TCERG1L: variants seen among roughly 807,000 people sequenced by gnomAD.
TCERG1L encodes transcription elongation regulator 1 like.
Under a neutral mutation model 56.3 loss-of-function variants are expected in TCERG1L, and 37 were observed. That is an observed-to-expected ratio of 0.66 (90% confidence interval 0.51 to 0.87). TCERG1L has a LOEUF of 0.87. Ranked by LOEUF, TCERG1L falls within the 40% of genes least tolerant of loss-of-function variation. The pLI, the probability that TCERG1L is intolerant of heterozygous loss-of-function variation, is 0.00. For missense variants in TCERG1L, 799 were observed against 774.2 expected, an observed-to-expected ratio of 1.03 and a Z score of -0.38; for synonymous variants, 324 against 326.3, an observed-to-expected ratio of 0.99 and a Z score of 0.08.
rs543188379 is a variant in TCERG1L at position 131,267,304 on chromosome 10, C to T, written c.671-6860G>A. Among the ~76,000 whole-genome samples, 1 of 152,306 alleles carries T rather than the reference C, an allele frequency of 6.6e-6. No individual in the cohort carries two copies. Among genetic ancestry groups the T allele is most frequent in the South Asian group, 2.1e-4 (1 of 4,826 alleles). On this transcript the variant is annotated intron_variant, in intron 3 of 11. Coordinates refer to ENST00000368642, the MANE Select transcript of TCERG1L (RefSeq NM_174937.4). The surrounding 1 kb of genome is among the most constrained non-coding windows in gnomAD (Gnocchi z 4.9). ...GGACTGCAACAGCACCCAGGCTTGGCCCCAACCCTACTCTAGGATCGGAGT... is the reference window on the plus strand; with the variant it reads ...GGACTGCAACAGCACCCAGGCTTGGTCCCAACCCTACTCTAGGATCGGAGT...
intron 4 of TCERG1L, among the ~76,000 whole-genome samples, chr10:131,229,989 T>C (rs1448585133): frequency 6.6e-6 from 1 of 152,142 alleles, no homozygotes; most frequent in Non-Finnish European, 1.5e-5. Context: ...GAAGCAGCTC[T>C]GAGCGTTGAA....
At chr10:131,184,423 G>A (rs993701149) in intron 4 of TCERG1L, among the ~76,000 whole-genome samples, 1 of 152,328 alleles carries the variant, frequency 6.6e-6, no homozygotes, top group African/African-American at 2.4e-5. Context: ...AAATGGGCTT[G>A]TCAATCTGCC....
At chr10:131,279,451 A>G (rs1846429213) in intron 3 of TCERG1L, among the ~76,000 whole-genome samples, 1 of 152,198 alleles carries the variant, frequency 6.6e-6, no homozygotes, top group Non-Finnish European at 1.5e-5. Flanking sequence ...CAGGCTTCAC[A>G]TCATGCCCGG....
rs376728702 is a variant in TCERG1L at position 131,308,312 on chromosome 10, T to C, written c.569A>G (p.Lys190Arg). The change falls in exon 3 of 12, where the codon AAG becomes AGG. Residue 190 changes from lysine (K) to arginine (R), a missense_variant. By Grantham distance (26) the Lys-to-Arg change is conservative (BLOSUM62 2). Coordinates refer to ENST00000368642, the MANE Select transcript of TCERG1L (RefSeq NM_174937.4). The part of the protein sequence containing the change: ...EESRFFHGHE[K>R]PRLLANQVAV... ...TACTTGATTTGCCAGCAAACGAGGC[T>C]TTTCATGCCCATGGAAAAACCTTGA... 4 of 1,613,854 alleles carry C rather than the reference T, an allele frequency of 2.5e-6. No homozygotes were observed. In the African/African-American group the frequency reaches 5.3e-5, roughly 22 times the overall value.
chr10:131,213,382 G>C (rs1845636077), intron 4 of TCERG1L, among the ~76,000 whole-genome samples: 1 of 152,222 alleles, frequency 6.6e-6, no homozygotes, highest in Non-Finnish European at 1.5e-5. Flanking sequence ...AGAAAGGTTT[G>C]ACTGGAATAA....
At chr10:131,207,855 T>C (rs979919473) in intron 4 of TCERG1L, among the ~76,000 whole-genome samples, 5 of 151,884 alleles carry the variant, frequency 3.3e-5, no homozygotes, top group African/African-American at 9.7e-5. Context: ...ACAAGCATCA[T>C]GGAAAGAAGA....
At position 131,308,306 on chromosome 10, in the gene TCERG1L, C is replaced by G; in HGVS notation, c.575G>C (p.Arg192Pro). ...SRFFHGHEKP[R>P]LLANQVAVSL... The stretch of plus-strand genomic sequence containing the variant: ...CACAGCTACTTGATTTGCCAGCAAA[C>G]GAGGCTTTTCATGCCCATGGAAAAA... Residue 192 changes from arginine (R) to proline (P), a missense_variant, in exon 3 of 12, where the codon CGT becomes CCT. By Grantham distance (103) the Arg-to-Pro change is moderately radical. Transcript: ENST00000368642. 6.2e-7 allele frequency: 1 copy of G among 1,613,908 alleles called. No individual in the cohort carries two copies. Among genetic ancestry groups the G allele is most frequent in the Non-Finnish European group, 8.5e-7 (1 of 1,179,896 alleles).
At chr10:131,151,930 C>T (rs1845871285) in intron 6 of TCERG1L, among the ~76,000 whole-genome samples, 1 of 152,240 alleles carries the variant, frequency 6.6e-6, no homozygotes, top group South Asian at 2.1e-4. Context: ...CCTTCAGAAG[C>T]AATGGCCTGA....
intron 3 of TCERG1L, among the ~76,000 whole-genome samples, chr10:131,264,641 C>G (rs986786606): frequency 3.9e-5 from 6 of 152,196 alleles, no homozygotes; most frequent in Admixed American, 6.5e-5. Context: ...GCCAGTCACG[C>G]TCCCAGCACA....
intron 7 of TCERG1L, among the ~76,000 whole-genome samples, chr10:131,137,017 A>G (rs1211372628): frequency 1.3e-5 from 2 of 151,828 alleles, no homozygotes; most frequent in Non-Finnish European, 2.9e-5. Flanking sequence ...GCAGGTGCCT[A>G]TAATCCCAGC....
intron 4 of TCERG1L, among the ~76,000 whole-genome samples, chr10:131,241,456 A>T (rs1295094387): frequency 1.3e-5 from 2 of 152,016 alleles, no homozygotes; most frequent in African/African-American, 4.8e-5. Flanking sequence ...CGTGACATGC[A>T]ACGCATCGTC....
At chr10:131,183,720 G>A (rs564913201) in intron 4 of TCERG1L, among the ~76,000 whole-genome samples, 62 of 152,298 alleles carry the variant, frequency 4.1e-4, no homozygotes, top group Admixed American at 1.4e-3. Flanking sequence ...TCAGGGCCCA[G>A]GCTCTCTGGA....
At chr10:131,178,737 G>A (rs879887902) in intron 4 of TCERG1L, among the ~76,000 whole-genome samples, 3 of 152,144 alleles carry the variant, frequency 2.0e-5, no homozygotes, top group Admixed American at 1.3e-4. Context: ...GGGATCCCTC[G>A]GGACCTTCTC....
intron 10 of TCERG1L, 78 bp from the exon 11 acceptor site, chr10:131,098,502 G>A (rs1845272523): frequency 1.2e-5 from 18 of 1,485,138 alleles, no homozygotes; most frequent in Non-Finnish European, 1.6e-5. Flanking sequence ...AGCACAACAT[G>A]AGAAAGCAGC....
At chr10:131,167,234 A>G (rs1054305011) in intron 4 of TCERG1L, among the ~76,000 whole-genome samples, 3 of 152,192 alleles carry the variant, frequency 2.0e-5, no homozygotes, top group African/African-American at 7.2e-5. Context: ...GCAGGAAACA[A>G]GCCCAAAAGT....
chr10:131,254,755 G>C (rs555684693), intron 4 of TCERG1L, among the ~76,000 whole-genome samples: 1 of 152,206 alleles, frequency 6.6e-6, no homozygotes, highest in East Asian at 1.9e-4. Flanking sequence ...TGTGAGGCAC[G>C]AACTCCTGGG....
Position 131,199,788 on chromosome 10 carries a change from C to G in TCERG1L, c.857-32903G>C, listed in dbSNP as rs536484558. 3.3e-5 allele frequency among the ~76,000 whole-genome samples: 5 copies of G among 152,320 alleles called. No individual in the cohort carries two copies. The South Asian group carries it at 1.0e-3, about 32-fold the overall frequency. Reference sequence around the variant, plus strand: ...GCACAGCCAATCACTAAACAGTGCCCCTCCTGTAAACAGTGGGAAATCCCA... The same window carrying G: ...GCACAGCCAATCACTAAACAGTGCCGCTCCTGTAAACAGTGGGAAATCCCA... On this transcript the variant is annotated intron_variant, in intron 4 of 11. Transcript: ENST00000368642.
At chr10:131,195,635 G>A (rs1845352458) in intron 4 of TCERG1L, among the ~76,000 whole-genome samples, 1 of 152,136 alleles carries the variant, frequency 6.6e-6, no homozygotes, top group Non-Finnish European at 1.5e-5. Flanking sequence ...CCTCTCCGCT[G>A]GGCCCAGGCT....
chr10:131,184,139 C>A (rs1845211640), intron 4 of TCERG1L, among the ~76,000 whole-genome samples: 1 of 152,234 alleles, frequency 6.6e-6, no homozygotes, highest in African/African-American at 2.4e-5. Context: ...CACCCCCTTG[C>A]CTTGCGAAGC....
Sources: allele counts gnomAD v4.1 joint callset (sites outside exome capture counted in the v4.1 genomes callset), GRCh38; gene constraint gnomAD v4.1.1; non-coding constraint Gnocchi (gnomAD v3.1); transcripts MANE v1.5; gene names NCBI Gene and HGNC (gene_info 2026-07-23, HGNC 2026-07-21).